MAPK10: variants seen among roughly 807,000 people sequenced by gnomAD.
MAPK10 encodes the protein mitogen-activated protein kinase 10, also known as JNK3 alpha protein kinase.
Under a neutral mutation model 59.3 loss-of-function variants are expected in MAPK10, and 25 were observed. The observed-to-expected ratio is 0.42, with a 90% CI of 0.31 to 0.59. The LOEUF is 0.59. Ranked by LOEUF, MAPK10 falls within the 20% of genes least tolerant of loss-of-function variation. MAPK10 has a pLI of 0.15. For missense variants in MAPK10, 351 were observed against 568.9 expected (o/e 0.62, Z 3.90); for synonymous variants, 190 against 200.5 (o/e 0.95, Z 0.44).
chr4:86,064,078 G>A (rs2046260593), intron 11 of MAPK10, among the ~76,000 whole-genome samples, 188 bp downstream of exon 11: 1 of 152,166 alleles, frequency 6.6e-6, no homozygotes, highest in South Asian at 2.1e-4. Flanking sequence ...CTTCTAGTAA[G>A]TCCTGAAAAA....
In MAPK10 at chr4:86,549,347, A is replaced by G. The variant is rs538654571; in HGVS notation, c.-263+44563T>C. ...AAATGGTATAACCCACTATACAACT[A>G]GGCTGTATGGTATAGTCCATTGCTC... On this transcript the variant is annotated intron_variant, in intron 1 of 4. Coordinates refer to the MAPK10 transcript ENST00000502302. Among the ~76,000 whole-genome samples, 10 of 152,332 alleles carry G rather than the reference A, an allele frequency of 6.6e-5. No homozygotes were observed. The South Asian group carries it at 2.1e-3, about 32-fold the overall frequency.
intron 2 of MAPK10, among the ~76,000 whole-genome samples, chr4:86,319,587 G>A (rs970562671): frequency 1.3e-5 from 2 of 152,168 alleles, no homozygotes; most frequent in East Asian, 3.9e-4. Flanking sequence ...GCAGTGGACA[G>A]TTCCAAACAA....
intron 3 of MAPK10, among the ~76,000 whole-genome samples, chr4:86,174,469 G>T (rs530099584): frequency 1.3e-5 from 2 of 152,248 alleles, no homozygotes; most frequent in Admixed American, 6.5e-5. Flanking sequence ...ACCTGTCAGG[G>T]GGGTGGTGGA....
intron 1 of MAPK10, among the ~76,000 whole-genome samples, chr4:86,393,726 T>C (rs1254233949): frequency 6.6e-6 from 1 of 152,078 alleles, no homozygotes. Context: ...GGGTACTTAG[T>C]AGAATAATAA....
intron 4 of MAPK10, among the ~76,000 whole-genome samples, chr4:86,136,849 G>T (rs1683834254): frequency 6.6e-6 from 1 of 151,764 alleles, no homozygotes; most frequent in African/African-American, 2.4e-5. Context: ...GATCTACCAA[G>T]CCAATGGAAA....
chr4:86,101,813 C>A (rs2055452585), intron 7 of MAPK10, 81 bp downstream of exon 7: 1 of 1,410,380 alleles, frequency 7.1e-7, no homozygotes, highest in South Asian at 1.2e-5. Context: ...TTGACCAATG[C>A]CCCCCGTATA....
At chr4:86,371,977 A>G (rs962510819) in intron 1 of MAPK10, among the ~76,000 whole-genome samples, 4 of 152,174 alleles carry the variant, frequency 2.6e-5, no homozygotes, top group African/African-American at 9.7e-5. Flanking sequence ...GATCAATGAG[A>G]CAGAAGGTTA....
intron 4 of MAPK10, among the ~76,000 whole-genome samples, chr4:86,126,521 T>C (rs1270118287): frequency 6.6e-6 from 1 of 152,060 alleles, no homozygotes; most frequent in East Asian, 1.9e-4. Context: ...TTTAAATATG[T>C]TAGAAAAGGG....
At position 86,423,760 on chromosome 4, in the gene MAPK10, G is replaced by GATATATATATATATATATATATATAT. The variant is rs772650050; in HGVS notation, c.-122+29269_-122+29270insATATATATATATATATATATATATAT. ...AGGGCTGCATATAAGTAATTAGTGG[G>GATATATATATATATATATATATATAT]ATATATATACATATATATATATATA... On this transcript the variant is annotated intron_variant, in intron 1 of 13. Coordinates refer to the MAPK10 transcript ENST00000361569. 4.6e-4 allele frequency among the ~76,000 whole-genome samples: 54 copies of GATATATATATATATATATATATATAT among 117,128 alleles called. 1 individual carries two copies. Among genetic ancestry groups the GATATATATATATATATATATATATAT allele is most frequent in the Non-Finnish European group, 6.3e-4 (36 of 57,330 alleles). The allele number at this position is 117,128 out of a possible 152,430, so 76.8% of individuals were successfully genotyped here.
At chr4:86,534,672 G>A (rs748911428) in intron 1 of MAPK10, among the ~76,000 whole-genome samples, 1 of 152,052 alleles carries the variant, frequency 6.6e-6, no homozygotes, top group East Asian at 1.9e-4. Flanking sequence ...TTGGGATACT[G>A]AGGCAGGCCC....
chr4:86,025,275 A>G, intron 13 of MAPK10: 1 of 376,782 alleles, frequency 2.7e-6, no homozygotes, highest in Non-Finnish European at 4.7e-6. Context: ...GTCCACCACT[A>G]TTAGATGAAA....
chr4:86,064,522 T>A, intron 10 of MAPK10, 132 bp from the exon 11 acceptor site: 1 of 823,874 alleles, frequency 1.2e-6, no homozygotes, highest in Non-Finnish European at 1.9e-6. Flanking sequence ...TCCCTTGATG[T>A]GATGGAAAAG....
intron 4 of MAPK10, among the ~76,000 whole-genome samples, chr4:86,151,000 A>C (rs141951661): frequency 6.6e-6 from 1 of 152,290 alleles, no homozygotes; most frequent in East Asian, 1.9e-4. Flanking sequence ...ATTCTAAATA[A>C]CTTTTTTTGT....
intron 4 of MAPK10, among the ~76,000 whole-genome samples, chr4:86,113,895 G>A (rs2057918671): frequency 6.6e-6 from 1 of 152,152 alleles, no homozygotes; most frequent in South Asian, 2.1e-4. Flanking sequence ...ATAGTTCTCA[G>A]AAGTTTTGTT....
chr4:86,339,249 C>T (rs1723459663), intron 2 of MAPK10, among the ~76,000 whole-genome samples: 5 of 152,078 alleles, frequency 3.3e-5, no homozygotes. Context: ...CATGCAGTGA[C>T]TAAGGGAAGA....
intron 2 of MAPK10, among the ~76,000 whole-genome samples, chr4:86,267,791 T>A (rs1050182675): frequency 1.3e-5 from 2 of 152,064 alleles, no homozygotes; most frequent in Non-Finnish European, 2.9e-5. Flanking sequence ...CCTTCCATGA[T>A]CTCACTTAAA....
At chr4:86,367,149 T>G (rs1253161368) in intron 1 of MAPK10, among the ~76,000 whole-genome samples, 3 of 152,186 alleles carry the variant, frequency 2.0e-5, no homozygotes, top group African/African-American at 7.2e-5. Context: ...GTTAGATTAT[T>G]ATGTCATGAA....
chr4:86,125,759 G>A (rs2149126405), intron 4 of MAPK10: 1 of 152,180 alleles, frequency 6.6e-6, no homozygotes, highest in East Asian at 1.9e-4. Context: ...GATGATGTTG[G>A]AGTTAGCTAA....
intron 1 of MAPK10, among the ~76,000 whole-genome samples, chr4:86,533,790 T>C (rs982636681): frequency 1.3e-5 from 2 of 152,218 alleles, no homozygotes; most frequent in Admixed American, 6.5e-5. Flanking sequence ...CATTAAAATA[T>C]TGCTTCCTAT....
Sources: gnomAD v4.1 joint callset for allele counts (sites outside exome capture counted in the v4.1 genomes callset) on GRCh38, gnomAD v4.1.1 for gene constraint, MANE v1.5 for transcripts, NCBI Gene and HGNC (gene_info 2026-07-23, HGNC 2026-07-21) for gene names.